SHC3: variants seen among roughly 807,000 people sequenced by gnomAD.
SHC3 encodes the protein SHC adaptor protein 3, also known as SHC-transforming protein 3.
A neutral mutation model predicts 60.4 loss-of-function variants in SHC3; 15 were observed. The observed-to-expected ratio is 0.25, with a 90% confidence interval of 0.17 to 0.38. The LOEUF is 0.38. Among genes scored for constraint, SHC3 ranks in the 10% least tolerant of loss-of-function variants. The probability of loss-of-function intolerance (pLI) is 1.00; values close to 1 mark genes in which losing one functional copy is unlikely to be tolerated. For synonymous variants in SHC3, 294 were observed against 325.9 expected, an observed-to-expected ratio of 0.90 and a Z score of 1.05; for missense variants, 677 against 786.1, an observed-to-expected ratio of 0.86 and a Z score of 1.66.
rs1380861309 is a variant in SHC3, at chr9:89,159,020, G to C, written c.474+18967C>G. 2.6e-5 allele frequency among the ~76,000 whole-genome samples: 4 copies of C among 152,176 alleles called. No individual in the cohort carries two copies. The East Asian group carries it at 5.8e-4, about 22-fold the overall frequency. ...GGACCATAGCATATAGTAGGGGGTA[G>C]AAGTGTGCAGGGTAGACATGAGTCT... On this transcript the variant is annotated intron_variant, in intron 1 of 11. Transcript: ENST00000375835.
intron 11 of SHC3, 47 bp downstream of exon 11, chr9:89,037,946 G>T: frequency 6.3e-7 from 1 of 1,589,456 alleles, no homozygotes; most frequent in South Asian, 1.1e-5. Context: ...TTTAAGGCAG[G>T]TCTGCACCCA....
intron 10 of SHC3, among the ~76,000 whole-genome samples, chr9:89,038,617 G>A (rs1226972386): frequency 6.6e-6 from 1 of 152,182 alleles, no homozygotes; most frequent in African/African-American, 2.4e-5. Context: ...GCTGCAAGAG[G>A]CCATGAATAT....
intron 1 of SHC3, among the ~76,000 whole-genome samples, chr9:89,132,020 A>C (rs547914380): frequency 1.3e-5 from 2 of 152,356 alleles, no homozygotes; most frequent in South Asian, 4.1e-4. Context: ...CCATCGTCTC[A>C]GCCCAAAATC....
intron 5 of SHC3, among the ~76,000 whole-genome samples, chr9:89,065,875 C>T (rs527610382): frequency 1.6e-3 from 243 of 152,210 alleles, no homozygotes; most frequent in Admixed American, 2.5e-3. Flanking sequence ...AGTATCCCAC[C>T]GGAACTGGTT....
intron 1 of SHC3, among the ~76,000 whole-genome samples, chr9:89,168,417 T>C (rs961262468): frequency 6.6e-6 from 1 of 152,078 alleles, no homozygotes; most frequent in Non-Finnish European, 1.5e-5. Flanking sequence ...TGAGCCGAGA[T>C]TGCACCATTG....
At chr9:89,042,308 G>C in intron 9 of SHC3, 124 bp from the exon 10 acceptor site, 1 of 1,047,964 alleles carries the variant, frequency 9.5e-7, no homozygotes, top group Non-Finnish European at 1.3e-6. Flanking sequence ...TCCTATGGGT[G>C]ATATTCTCCT....
chr9:89,083,653 C>T (rs886599762), intron 2 of SHC3, among the ~76,000 whole-genome samples: 9 of 152,180 alleles, frequency 5.9e-5, no homozygotes, highest in African/African-American at 1.7e-4. Context: ...AGAGTGAAAA[C>T]GAAAAGAAGA....
At chr9:89,036,531 C>T (rs1236045622) in intron 11 of SHC3, among the ~76,000 whole-genome samples, 1 of 152,080 alleles carries the variant, frequency 6.6e-6, no homozygotes, top group African/African-American at 2.4e-5. Context: ...GAAAAACATG[C>T]GTGAGAGTTT....
At chr9:89,122,266 G>A (rs1414909102) in intron 1 of SHC3, among the ~76,000 whole-genome samples, 3 of 152,178 alleles carry the variant, frequency 2.0e-5, no homozygotes, top group Non-Finnish European at 2.9e-5. Context: ...TATTTCTGAA[G>A]CAGTCAGTAA....
chr9:89,097,867 G>A (rs931613687), intron 2 of SHC3, among the ~76,000 whole-genome samples: 3 of 152,148 alleles, frequency 2.0e-5, no homozygotes, highest in African/African-American at 7.2e-5. Flanking sequence ...AATATTAACA[G>A]CATTTAATGA....
intron 1 of SHC3, among the ~76,000 whole-genome samples, chr9:89,133,238 G>A (rs370199732): frequency 0.011 from 1,625 of 152,174 alleles, 13 homozygotes; most frequent in South Asian, 0.033. Context: ...TTAGAATGGC[G>A]ATCATTAAAA....
At chr9:89,153,517 A>G (rs150986172) in intron 1 of SHC3, among the ~76,000 whole-genome samples, 8 of 152,270 alleles carry the variant, frequency 5.3e-5, no homozygotes, top group Non-Finnish European at 8.8e-5. Flanking sequence ...GCCTTTTGTG[A>G]TTGGCTCATG....
chr9:89,178,184 C>T lies in SHC3; in HGVS notation c.277G>A (p.Gly93Ser), dbSNP rs940703946. 5 of 1,333,518 alleles carry T rather than the reference C, an allele frequency of 3.7e-6. No individual in the cohort carries two copies. In the African/African-American group the frequency reaches 7.7e-5, roughly 21 times the overall value. 82.6% of individuals were successfully genotyped at this position (1,333,518 alleles called of 1,614,324 possible). A position where few individuals can be genotyped will look rare whatever the true frequency, so the allele number is the denominator to read the frequency against. Residue 93 changes from glycine to serine, a missense_variant, in exon 1 of 12, where the codon GGC (glycine) becomes AGC (serine). Transcript: ENST00000375835. This position sits in a 1 kb window ranked among gnomAD's most constrained non-coding sequence, Gnocchi z 6.9. Reference protein sequence around the residue: ...GLSSAARERAGARLSGSCSAP... With the variant: ...GLSSAARERASARLSGSCSAP... Reference sequence around the variant, plus strand: ...CTGCAGCTGCCCGAGAGCCGCGCGCCCGCCCGCTCCCGGGCGGCCGACGAC... The same window carrying T: ...CTGCAGCTGCCCGAGAGCCGCGCGCTCGCCCGCTCCCGGGCGGCCGACGAC...
intron 1 of SHC3, among the ~76,000 whole-genome samples, chr9:89,175,631 A>T (rs1423339851): frequency 6.6e-6 from 1 of 152,238 alleles, no homozygotes; most frequent in Non-Finnish European, 1.5e-5. Context: ...ACTAGAAAAC[A>T]TTTGGGGGCT....
At chr9:89,106,516 G>A (rs539536765) in intron 2 of SHC3, among the ~76,000 whole-genome samples, 255 of 152,348 alleles carry the variant, frequency 1.7e-3, no homozygotes, top group Middle Eastern at 6.8e-3. Context: ...GCAGCCTGGA[G>A]GAGCAGGGGA....
intron 5 of SHC3, among the ~76,000 whole-genome samples, chr9:89,068,829 A>G (rs1185002805): frequency 6.6e-6 from 1 of 152,232 alleles, no homozygotes; most frequent in Non-Finnish European, 1.5e-5. Context: ...GACAGGTTTA[A>G]GAAGAGCTCT....
intron 11 of SHC3, chr9:89,037,635 TCAAGATAAATATTAAAAGC>T (rs1161965914): frequency 1.8e-5 from 12 of 670,070 alleles, no homozygotes; most frequent in African/African-American, 1.1e-4. Context: ...AGATAAGCAT[TCAAGATAAATATTAAAAGC>T]CTAGGAGCCT....
chr9:89,018,146 T>C (rs1164226511), intron 11 of SHC3, among the ~76,000 whole-genome samples: 3 of 152,236 alleles, frequency 2.0e-5, no homozygotes, highest in Non-Finnish European at 4.4e-5. Context: ...ACTGGGTATA[T>C]ACCCAAAGGA....
chr9:89,171,517 C>A (rs75591997), intron 1 of SHC3, among the ~76,000 whole-genome samples: 3 of 152,174 alleles, frequency 2.0e-5, no homozygotes, highest in Non-Finnish European at 2.9e-5. Flanking sequence ...ATTCAATAGA[C>A]GAAAGTGAGC....
Sources: allele counts gnomAD v4.1 joint callset (sites outside exome capture counted in the v4.1 genomes callset), GRCh38; gene constraint gnomAD v4.1.1; non-coding constraint Gnocchi (gnomAD v3.1); transcripts MANE v1.5; gene names NCBI Gene and HGNC (gene_info 2026-07-23, HGNC 2026-07-21).